The following DPY19L4 variants were observed in gnomAD, a reference collection of about 807,000 sequenced individuals.
DPY19L4 encodes the protein probable C-mannosyltransferase DPY19L4.
DPY19L4 carries 97 observed loss-of-function variants against 102.8 expected under a neutral mutation model. The ratio of observed to expected loss-of-function variants is 0.94; its 90% confidence interval spans 0.80 to 1.12. DPY19L4 has a LOEUF of 1.12. Among genes scored for constraint, DPY19L4 ranks in the 50% most tolerant of loss-of-function variants. The probability of loss-of-function intolerance (pLI) is 0.00; values close to 1 mark genes in which losing one functional copy is unlikely to be tolerated. For missense variants in DPY19L4, 815 were observed against 850.4 expected, an observed-to-expected ratio of 0.96 and a Z score of 0.52; for synonymous variants, 252 against 283.1, an observed-to-expected ratio of 0.89 and a Z score of 1.10.
At chr8:94,771,259 G>A (rs6471485) in intron 13 of DPY19L4, among the ~76,000 whole-genome samples, 45,065 of 152,030 alleles carry the variant, frequency 0.3, 7,678 homozygotes, top group African/African-American at 0.47. Flanking sequence ...ATCCAAGAAT[G>A]CATTCATAAA....
At chr8:94,787,337 T>C (rs1221750991) in intron 17 of DPY19L4, among the ~76,000 whole-genome samples, 6 of 152,178 alleles carry the variant, frequency 3.9e-5, no homozygotes, top group Non-Finnish European at 8.8e-5. Flanking sequence ...AGACACTTCC[T>C]CTTGATGTAT....
chr8:94,720,137 A>G, intron 1 of DPY19L4, 123 bp downstream of exon 1: 3 of 1,381,450 alleles, frequency 2.2e-6, no homozygotes, highest in Non-Finnish European at 2.8e-6. Context: ...CCGCGCGGGC[A>G]GGGCGGGAAG....
At chr8:94,740,273 CATA>C (rs1233602430) in intron 6 of DPY19L4, among the ~76,000 whole-genome samples, 1 of 152,122 alleles carries the variant, frequency 6.6e-6, no homozygotes, top group Non-Finnish European at 1.5e-5. Flanking sequence ...AAAATTGAGA[CATA>C]ATATGCCAGC....
chr8:94,772,133 G>A (rs1339389235), intron 13 of DPY19L4, among the ~76,000 whole-genome samples: 1 of 151,988 alleles, frequency 6.6e-6, no homozygotes, highest in African/African-American at 2.4e-5. Flanking sequence ...ATGCCATCTT[G>A]TTAATAAACT....
intron 13 of DPY19L4, among the ~76,000 whole-genome samples, chr8:94,773,751 A>G (rs887467541): frequency 1.3e-5 from 2 of 151,624 alleles, no homozygotes; most frequent in East Asian, 3.9e-4. Context: ...TTTTTGAGAG[A>G]CAGGCTGGGT....
chr8:94,733,432 A>G (rs1811056948), intron 2 of DPY19L4, among the ~76,000 whole-genome samples: 1 of 151,974 alleles, frequency 6.6e-6, no homozygotes, highest in African/African-American at 2.4e-5. Context: ...GCCCATCTTA[A>G]CCATTTTTAA....
At position 94,787,984 on chromosome 8, in the gene DPY19L4, A is replaced by G. The variant is rs1813725003; in HGVS notation, c.1939A>G (p.Ile647Val). The G allele has an allele frequency of 1.3e-6, 2 of 1,522,688 alleles. No individual in the cohort carries two copies. Among genetic ancestry groups the G allele is most frequent in the Non-Finnish European group, 8.8e-7 (1 of 1,135,914 alleles). The allele number at this position is 1,522,688 out of a possible 1,614,324, so 94.3% of individuals were successfully genotyped here. Residue 647 changes from isoleucine (I) to valine (V), a missense_variant, in exon 18 of 19, where the codon ATC (isoleucine) becomes GTC (valine). Physicochemically the swap from Ile to Val is conservative, Grantham distance 29. Transcript: ENST00000414645. ...KANYLIVEDA[I>V]CNEVGPMRGC... ...TAATTACCTAATTGTAGAGGATGCT[A>G]TCTGCAATGAGGTGGGACCCATGAG...
Position 94,765,752 on chromosome 8 carries a change from AGTGATTAATTTTTACTTGGT to A in DPY19L4, c.1048_1067del (p.Ile350TyrfsTer27). ...GAAGTTTTGTAGCTAAAATAATAAA[AGTGATTAATTTTTACTTGGT>A]GTGTACTCTGACAATAACATTGAAT... On this transcript the variant is annotated frameshift_variant, in exon 10 of 19. Transcript: ENST00000414645. LOFTEE classifies it high-confidence loss of function. 1.9e-6 allele frequency: 3 copies of A among 1,603,646 alleles called. No individual in the cohort carries two copies. Among genetic ancestry groups the A allele is most frequent in the Non-Finnish European group, 2.6e-6 (3 of 1,172,904 alleles).
At chr8:94,761,575 G>T in intron 7 of DPY19L4, 125 bp from the exon 8 acceptor site, 6 of 865,742 alleles carry the variant, frequency 6.9e-6, no homozygotes, top group East Asian at 3.3e-5. Flanking sequence ...TAAAAACAAA[G>T]TTTCAATAAT....
At chr8:94,763,254 CTTTTTTT>C (rs374208413) in intron 8 of DPY19L4, among the ~76,000 whole-genome samples, 10 of 104,902 alleles carry the variant, frequency 9.5e-5, no homozygotes, top group South Asian at 3.4e-4. Flanking sequence ...GCCAAGGTAT[CTTTTTTT>C]TTTTTTTTTT....
intron 2 of DPY19L4, among the ~76,000 whole-genome samples, chr8:94,727,105 T>C (rs574657526): frequency 6.6e-6 from 1 of 152,332 alleles, no homozygotes; most frequent in African/African-American, 2.4e-5. Context: ...CAGAGATCTA[T>C]GAACTAAAAA....
rs1453492904 is a variant in DPY19L4 at position 94,729,755 on chromosome 8, T to TTCAG, written c.127+3314_127+3315insTCAG. Among the ~76,000 whole-genome samples, 477 of 149,100 alleles carry TTCAG rather than the reference T, an allele frequency of 3.2e-3. 5 individuals are homozygous for TTCAG. Among genetic ancestry groups the TTCAG allele is most frequent in the African/African-American group, 0.011 (450 of 40,252 alleles). ...CTGAGGTAGGAGGATTGCTTAAGCC[T>TTCAG]GAGAAGTGGTGTTTGCAGTGAGCCA... On this transcript the variant is annotated intron_variant, in intron 2 of 18. Transcript: ENST00000414645.
chr8:94,768,868 C>CTAA (rs1812795468), intron 12 of DPY19L4, among the ~76,000 whole-genome samples: 1 of 151,514 alleles, frequency 6.6e-6, no homozygotes, highest in African/African-American at 2.4e-5. Flanking sequence ...GGGTGCCCAT[C>CTAA]TAATAATAGC....
At chr8:94,775,258 ACCT>A (rs1407993380) in intron 13 of DPY19L4, among the ~76,000 whole-genome samples, 1 of 150,030 alleles carries the variant, frequency 6.7e-6, no homozygotes, top group Non-Finnish European at 1.5e-5. Flanking sequence ...TGTAACCTCC[ACCT>A]CCCAGGTTCA....
intron 2 of DPY19L4, among the ~76,000 whole-genome samples, chr8:94,732,510 A>G (rs1370352559): frequency 6.6e-6 from 1 of 152,232 alleles, no homozygotes; most frequent in Non-Finnish European, 1.5e-5. Flanking sequence ...TGGGCAACAT[A>G]GCAAGAATCC....
chr8:94,758,174 T>G (rs572462090), intron 7 of DPY19L4, among the ~76,000 whole-genome samples: 1 of 152,272 alleles, frequency 6.6e-6, no homozygotes, highest in South Asian at 2.1e-4. Context: ...TTTATCTCTT[T>G]GTTTCTTTGA....
rs1813916061 is a variant in DPY19L4, at chr8:94,792,513, G to T, written c.*2603G>T. ...TCCACTCACCCCAGCCTCCCAAAGTGCTGGGATTACAGACGTGAGCCACTG... is the reference window on the plus strand; with the variant it reads ...TCCACTCACCCCAGCCTCCCAAAGTTCTGGGATTACAGACGTGAGCCACTG... On this transcript the variant is annotated 3_prime_UTR_variant, in exon 19 of 19. Transcript: ENST00000414645. The T allele has an allele frequency of 6.6e-6, 1 of 151,386 alleles. No homozygotes were observed. The highest frequency in any genetic ancestry group is 2.1e-4 in the South Asian group (1 of 4,814). 9.4% of individuals were successfully genotyped at this position (151,386 alleles called of 1,614,324 possible).
rs1810405403 is a variant in DPY19L4 at position 94,720,365 on chromosome 8, A to T, written c.16+351A>T. 3 of 682,270 alleles carry T rather than the reference A, an allele frequency of 4.4e-6. No individual in the cohort carries two copies. The South Asian group carries it at 2.0e-4, about 45-fold the overall frequency. 42.3% of individuals were successfully genotyped at this position (682,270 alleles called of 1,614,324 possible). The stretch of plus-strand genomic sequence containing the variant: ...CAGTTTGGTTTCGAAGATCAGGTTT[A>T]GGTACTCAGTGCATATTTGGAATGC... On this transcript the variant is annotated intron_variant, in intron 1 of 18. Coordinates refer to ENST00000414645, the MANE Select transcript of DPY19L4 (RefSeq NM_181787.3).
At chr8:94,746,236 A>G (rs946450156) in intron 6 of DPY19L4, among the ~76,000 whole-genome samples, 1 of 146,286 alleles carries the variant, frequency 6.8e-6, no homozygotes, top group Non-Finnish European at 1.5e-5. Flanking sequence ...TAATTTTTGT[A>G]TTTTAGTAGA....
Sources: allele counts gnomAD v4.1 joint callset (sites outside exome capture counted in the v4.1 genomes callset), GRCh38; gene constraint gnomAD v4.1.1; transcripts MANE v1.5; gene names NCBI Gene and HGNC (gene_info 2026-07-23, HGNC 2026-07-21).